The following YTHDF2 variants were observed in gnomAD, a reference collection of about 807,000 sequenced individuals.
YTHDF2 encodes the protein YTH domain-containing family protein 2.
In YTHDF2, 2 loss-of-function variants were observed where a neutral mutation model predicts 50.4. The observed-to-expected ratio is 0.04, with a 90% CI of 0.02 to 0.12. The LOEUF (loss-of-function observed/expected upper bound fraction) is 0.12. Among genes scored for constraint, YTHDF2 ranks in the 10% least tolerant of loss-of-function variants. YTHDF2 has a pLI of 1.00. For missense variants in YTHDF2, 483 were observed against 722.6 expected (o/e 0.67, Z 3.80); for synonymous variants, 217 against 255.6 (o/e 0.85, Z 1.44).
In YTHDF2 at chr1:28,737,164, C is replaced by G; in HGVS notation, c.27+17C>G. On this transcript the variant is annotated intron_variant, in intron 1 of 4. Transcript: ENST00000373812. ...TTGGAGCAGGTACAGGCCCGGCCCG[C>G]ATGCCTCGGCCATTGTGTGAGGCGA... 1 of 1,579,708 alleles carries G rather than the reference C, an allele frequency of 6.3e-7. No homozygotes were observed. The highest frequency in any genetic ancestry group is 8.6e-7 in the Non-Finnish European group (1 of 1,165,654).
chr1:28,762,167 C>T (rs1418415839), intron 4 of YTHDF2, among the ~76,000 whole-genome samples: 2 of 151,888 alleles, frequency 1.3e-5, no homozygotes, highest in African/African-American at 4.8e-5. Context: ...CTGAGGCGGG[C>T]GGATCACGAG....
In YTHDF2 at chr1:28,769,164, C is replaced by T. The variant is rs2088266501; in HGVS notation, c.*212C>T. The T allele has an allele frequency of 1.0e-5, 4 of 388,258 alleles. No individual in the cohort carries two copies. The East Asian group carries it at 1.6e-4, about 15-fold the overall frequency. 24.1% of individuals were successfully genotyped at this position (388,258 alleles called of 1,614,324 possible). ...AAAAAGAAAAAACTAAACAAAAAAT[C>T]CCTCTAGGTAGTTTAGGTGAAAAAT... is the stretch of plus-strand genomic sequence containing the variant. On this transcript the variant is annotated 3_prime_UTR_variant, in exon 5 of 5. Coordinates refer to ENST00000373812, the MANE Select transcript of YTHDF2 (RefSeq NM_016258.3).
At chr1:28,757,526 G>A (rs932922887) in intron 4 of YTHDF2, among the ~76,000 whole-genome samples, 1 of 152,150 alleles carries the variant, frequency 6.6e-6, no homozygotes, top group African/African-American at 2.4e-5. Context: ...TTCCGATTTT[G>A]CCTATATCAC....
chr1:28,760,586 C>T (rs2088108151), intron 4 of YTHDF2, among the ~76,000 whole-genome samples: 1 of 151,004 alleles, frequency 6.6e-6, no homozygotes, highest in Non-Finnish European at 1.5e-5. Context: ...CCACACCTGG[C>T]TTTTTTTTTG....
chr1:28,760,527 C>A (rs1362305481), intron 4 of YTHDF2, among the ~76,000 whole-genome samples: 1 of 152,054 alleles, frequency 6.6e-6, no homozygotes, highest in Admixed American at 6.6e-5. Context: ...AATCTCCTGA[C>A]TTTGTGATCC....
Position 28,743,953 on chromosome 1 carries a change from G to A in YTHDF2, c.1683G>A (p.Glu561=). 6.4e-7 allele frequency: 1 copy of A among 1,558,862 alleles called. No individual in the cohort carries two copies. The highest frequency in any genetic ancestry group is 8.6e-7 in the Non-Finnish European group (1 of 1,156,500). ...TSIFDDFSHY[E]KRQEEEESVK... ...TTTTTGATGACTTCTCACACTATGA[G>A]AAACGCCAAGAGGAAGAAGAAAGTG... The change falls in exon 4 of 5, where the codon GAG becomes GAA. Residue 561 remains glutamate (E), a synonymous_variant. Coordinates refer to ENST00000373812, the MANE Select transcript of YTHDF2 (RefSeq NM_016258.3). The surrounding 1 kb of genome is among the most constrained non-coding windows in gnomAD (Gnocchi z 6.9).
intron 4 of YTHDF2, among the ~76,000 whole-genome samples, chr1:28,755,410 A>G (rs925383106): frequency 6.6e-6 from 1 of 152,232 alleles, no homozygotes; most frequent in Non-Finnish European, 1.5e-5. Context: ...TCTTGAATAT[A>G]TATTTAAATG....
At chr1:28,761,458 C>T (rs1369591058) in intron 4 of YTHDF2, among the ~76,000 whole-genome samples, 2 of 152,104 alleles carry the variant, frequency 1.3e-5, no homozygotes, top group African/African-American at 4.8e-5. Flanking sequence ...AAATTTCTGG[C>T]TGGTGCGGTG....
intron 4 of YTHDF2, 70 bp downstream of exon 4, chr1:28,744,056 A>G: frequency 1.4e-6 from 2 of 1,431,810 alleles, no homozygotes; most frequent in East Asian, 4.8e-5. Flanking sequence ...GGTATTATAT[A>G]GTGAACCGTT....
At chr1:28,738,681 C>G (rs1464741874) in intron 3 of YTHDF2, among the ~76,000 whole-genome samples, 1 of 152,196 alleles carries the variant, frequency 6.6e-6, no homozygotes, top group Non-Finnish European at 1.5e-5. Flanking sequence ...TCAGGTGATT[C>G]ACCCGCCTTG....
At chr1:28,756,995 T>G (rs534378417) in intron 4 of YTHDF2, among the ~76,000 whole-genome samples, 17 of 152,338 alleles carry the variant, frequency 1.1e-4, no homozygotes, top group South Asian at 8.3e-4. Flanking sequence ...GATCGTTGCT[T>G]CTTTCTCCTA....
chr1:28,745,215 C>T (rs1182016704), intron 4 of YTHDF2, among the ~76,000 whole-genome samples: 4 of 152,074 alleles, frequency 2.6e-5, no homozygotes, highest in South Asian at 2.1e-4. Flanking sequence ...AGGAAGGGCT[C>T]GTTGGTACAA....
At chr1:28,744,680 T>TA (rs1343664810) in intron 4 of YTHDF2, among the ~76,000 whole-genome samples, 1 of 152,182 alleles carries the variant, frequency 6.6e-6, no homozygotes, top group Non-Finnish European at 1.5e-5. Flanking sequence ...GATTTATACT[T>TA]ACTTTTTTTT....
intron 3 of YTHDF2, among the ~76,000 whole-genome samples, chr1:28,739,458 G>A (rs993477344): frequency 6.6e-6 from 1 of 151,646 alleles, no homozygotes; most frequent in Non-Finnish European, 1.5e-5. Context: ...CACCATGCCC[G>A]GCTAATTTTT....
chr1:28,745,419 G>A (rs2087842194), intron 4 of YTHDF2, among the ~76,000 whole-genome samples: 2 of 152,232 alleles, frequency 1.3e-5, no homozygotes, highest in Non-Finnish European at 2.9e-5. Context: ...CTTCCCCACA[G>A]TTTAATAGTT....
chr1:28,752,306 T>TTGG (rs1045724689), intron 4 of YTHDF2, among the ~76,000 whole-genome samples: 7 of 151,824 alleles, frequency 4.6e-5, no homozygotes, highest in African/African-American at 1.7e-4. Flanking sequence ...TTTGTTGTTG[T>TTGG]TGTTGTTTTT....
chr1:28,745,717 T>C (rs961572162), intron 4 of YTHDF2, among the ~76,000 whole-genome samples: 1,536 of 28,036 alleles, frequency 0.055, no homozygotes, highest in South Asian at 0.084. Context: ...AACTCCCATC[T>C]CCCCCCGCCC....
In YTHDF2 at chr1:28,768,942, G is replaced by T; in HGVS notation, c.1730G>T (p.Arg577Leu). The T allele has an allele frequency of 6.3e-7, 1 of 1,592,726 alleles. No homozygotes were observed. The highest frequency in any genetic ancestry group is 8.6e-7 in the Non-Finnish European group (1 of 1,168,666). The change falls in exon 5 of 5, where the codon CGT becomes CTT. Residue 577 changes from arginine to leucine, a missense_variant. By Grantham distance (102) the Arg-to-Leu change is moderately radical (BLOSUM62 -2). This residue lies in a region of YTHDF2 where 38 missense variants were observed against 60.1 expected (regional missense o/e 0.63). Coordinates refer to ENST00000373812, the MANE Select transcript of YTHDF2 (RefSeq NM_016258.3). ...EESVKKERQG[R>L]GK ...TTACCTCTGTAGGAACGTCAAGGTC[G>T]TGGGAAATAAAAGGCAGTTCTACAC...
intron 1 of YTHDF2, 75 bp downstream of exon 1, chr1:28,737,222 C>T: frequency 6.7e-7 from 1 of 1,488,856 alleles, no homozygotes; most frequent in South Asian, 1.3e-5. Flanking sequence ...GCCCGCCGCT[C>T]CTGGGCAGGC....
Sources: gnomAD v4.1 joint callset for allele counts (sites outside exome capture counted in the v4.1 genomes callset) on GRCh38, gnomAD v4.1.1 for gene constraint, gnomAD v4.1.1 regional missense constraint, Gnocchi (gnomAD v3.1) non-coding constraint, MANE v1.5 for transcripts, NCBI Gene and HGNC (gene_info 2026-07-23, HGNC 2026-07-21) for gene names.